CAST: variants seen among roughly 807,000 people sequenced by gnomAD.
CAST encodes the protein calpastatin.
A neutral mutation model predicts 119.6 loss-of-function variants in CAST; 76 were observed. That is an observed-to-expected ratio of 0.64 (90% CI 0.53 to 0.77). CAST has a LOEUF of 0.77. CAST is among the 30% of genes least tolerant of loss of function. The pLI is 0.00. For missense variants in CAST, 953 were observed against 946.5 expected, an observed-to-expected ratio of 1.01 and a Z score of -0.09; for synonymous variants, 319 against 331.6, an observed-to-expected ratio of 0.96 and a Z score of 0.41.
intron 2 of CAST, among the ~76,000 whole-genome samples, chr5:96,693,550 A>T (rs1266863805): frequency 6.6e-6 from 1 of 152,244 alleles, no homozygotes; most frequent in Admixed American, 6.5e-5. Flanking sequence ...AGTTTGGGAC[A>T]GCTGTGTCAC....
intron 1 of CAST, among the ~76,000 whole-genome samples, chr5:96,624,910 AT>A (rs1343549540): frequency 6.6e-6 from 1 of 152,152 alleles, no homozygotes; most frequent in Non-Finnish European, 1.5e-5. Context: ...CATTTTGGTT[AT>A]TTATTTCCAT....
At chr5:96,648,338 T>C (rs1748045913) in intron 1 of CAST, among the ~76,000 whole-genome samples, 1 of 152,206 alleles carries the variant, frequency 6.6e-6, no homozygotes. Flanking sequence ...CTGTGAATGC[T>C]TTATATTGCC....
intron 4 of CAST, 52 bp from the exon 5 acceptor site, chr5:96,726,742 T>C (rs1327018815): frequency 7.8e-7 from 1 of 1,274,398 alleles, no homozygotes; most frequent in Admixed American, 1.9e-5. Flanking sequence ...ATGTTACTTA[T>C]TTGACTGACA....
intron 2 of CAST, among the ~76,000 whole-genome samples, chr5:96,694,356 G>T (rs1406760560): frequency 6.6e-6 from 1 of 152,056 alleles, no homozygotes; most frequent in African/African-American, 2.4e-5. Flanking sequence ...CTTTATACTT[G>T]GCCAGGCACG....
At chr5:96,611,444 A>G (rs1747359489) in intron 1 of CAST, among the ~76,000 whole-genome samples, 1 of 152,344 alleles carries the variant, frequency 6.6e-6, no homozygotes, top group African/African-American at 2.4e-5. Context: ...CTCTCACCAT[A>G]TACAAAAATT....
chr5:96,010,831 G>A, the CAST span, among the ~76,000 whole-genome samples: 3 of 152,146 alleles, frequency 2.0e-5, no homozygotes, highest in East Asian at 5.8e-4. Flanking sequence ...TTGATTGGCT[G>A]TATTCTGAGC....
chr5:96,457,751 T>G, the CAST span, among the ~76,000 whole-genome samples: 1 of 152,190 alleles, frequency 6.6e-6, no homozygotes, highest in Non-Finnish European at 1.5e-5. Context: ...CAACCCAGAA[T>G]GAACCGTCAC....
chr5:96,718,868 T>C (rs1246886463), intron 3 of CAST, among the ~76,000 whole-genome samples: 7 of 152,106 alleles, frequency 4.6e-5, no homozygotes, highest in South Asian at 2.1e-4. Flanking sequence ...AGGTCTGTCA[T>C]GAGGAGAAAG....
At chr5:96,726,662 A>G in intron 4 of CAST, 132 bp from the exon 5 acceptor site, 1 of 594,670 alleles carries the variant, frequency 1.7e-6, no homozygotes, top group Non-Finnish European at 2.9e-6. Flanking sequence ...TCTTGGAGTT[A>G]TACACATATG....
At chr5:96,329,819 C>T in the CAST span, among the ~76,000 whole-genome samples, 1 of 152,212 alleles carries the variant, frequency 6.6e-6, no homozygotes, top group Non-Finnish European at 1.5e-5. Context: ...TCAGATTAAT[C>T]TCAAGAAACT....
At chr5:96,174,902 G>T in the CAST span, among the ~76,000 whole-genome samples, 1 of 151,990 alleles carries the variant, frequency 6.6e-6, no homozygotes, top group African/African-American at 2.4e-5. Context: ...GAAATCAAAA[G>T]CTTTCCTCCT....
intron 1 of CAST, among the ~76,000 whole-genome samples, chr5:96,615,122 GAGA>G (rs1747428884): frequency 6.6e-6 from 1 of 152,188 alleles, no homozygotes; most frequent in South Asian, 2.1e-4. Context: ...TACATTACAT[GAGA>G]TATTCAGCAC....
rs1746853722 is a variant in CAST at position 96,586,025 on chromosome 5, A to G, written c.60+56145A>G. Among the ~76,000 whole-genome samples, 3 of 152,318 alleles carry G rather than the reference A, an allele frequency of 2.0e-5. No homozygotes were observed. The South Asian group carries it at 6.2e-4, about 32-fold the overall frequency. ...CAGCTAAGATATACTGAAAAATTTTATGTGTCAGGCTCTATTCTAGGCACT... is the reference window on the plus strand; with the variant it reads ...CAGCTAAGATATACTGAAAAATTTTGTGTGTCAGGCTCTATTCTAGGCACT... On this transcript the variant is annotated intron_variant, in intron 1 of 11. Coordinates refer to the CAST transcript ENST00000505143.
the CAST span, among the ~76,000 whole-genome samples, chr5:96,180,222 T>C: frequency 3.3e-5 from 5 of 152,222 alleles, no homozygotes; most frequent in African/African-American, 1.2e-4. Flanking sequence ...GATAATCTTA[T>C]ACACTTACAT....
chr5:96,705,580 T>C (rs914817318), intron 3 of CAST, among the ~76,000 whole-genome samples: 1 of 152,138 alleles, frequency 6.6e-6, no homozygotes, highest in Non-Finnish European at 1.5e-5. Context: ...TAAGCAATAA[T>C]AATGGATTAT....
chr5:96,305,005 A>T, the CAST span, among the ~76,000 whole-genome samples: 2 of 152,200 alleles, frequency 1.3e-5, no homozygotes, highest in Non-Finnish European at 2.9e-5. Context: ...TGGTAGCTTG[A>T]TGTGGATAGC....
At chr5:96,506,991 G>A in the CAST span, among the ~76,000 whole-genome samples, 1 of 152,164 alleles carries the variant, frequency 6.6e-6, no homozygotes, top group Admixed American at 6.5e-5. Flanking sequence ...ACTAAAGTGT[G>A]CAAACTATTG....
the CAST span, among the ~76,000 whole-genome samples, chr5:96,204,688 C>A: frequency 6.6e-6 from 1 of 151,982 alleles, no homozygotes; most frequent in East Asian, 1.9e-4. Context: ...CCAGGAGGCC[C>A]ACAGAAAGAA....
the CAST span, among the ~76,000 whole-genome samples, chr5:96,413,855 C>T: frequency 8.4e-3 from 1,222 of 145,528 alleles, 24 homozygotes; most frequent in African/African-American, 0.03. Flanking sequence ...TGCGGTGGCT[C>T]ACGCCTGTAA....
Sources: allele counts gnomAD v4.1 joint callset (sites outside exome capture counted in the v4.1 genomes callset), GRCh38; gene constraint gnomAD v4.1.1; transcripts MANE v1.5; gene names NCBI Gene and HGNC (gene_info 2026-07-23, HGNC 2026-07-21).